SCMH1: variants seen among roughly 807,000 people sequenced by gnomAD.
SCMH1 encodes the protein Scm polycomb group protein homolog 1.
In SCMH1, 37 loss-of-function variants were observed where a neutral mutation model predicts 70.8. The observed-to-expected ratio is 0.52, with a 90% CI of 0.40 to 0.69. The LOEUF is 0.69. Among genes scored for constraint, SCMH1 ranks in the 30% least tolerant of loss-of-function variants. The pLI is 0.00. For missense variants in SCMH1, 607 were observed against 827.3 expected, an observed-to-expected ratio of 0.73 and a Z score of 3.27; for synonymous variants, 292 against 307.4, an observed-to-expected ratio of 0.95 and a Z score of 0.52.
At chr1:41,076,531 T>TA (rs1356028997) in intron 8 of SCMH1, among the ~76,000 whole-genome samples, 1 of 151,908 alleles carries the variant, frequency 6.6e-6, no homozygotes, top group East Asian at 1.9e-4. Flanking sequence ...GAAAGAAAAT[T>TA]AAAAAAATAA....
intron 1 of SCMH1, among the ~76,000 whole-genome samples, chr1:41,220,806 A>C (rs548410748): frequency 6.6e-6 from 1 of 152,362 alleles, no homozygotes; most frequent in East Asian, 1.9e-4. Context: ...CTGGTGTATA[A>C]GAGGAGAAGA....
At chr1:41,037,155 C>G (rs773624816) in intron 13 of SCMH1, among the ~76,000 whole-genome samples, 1 of 152,154 alleles carries the variant, frequency 6.6e-6, no homozygotes, top group African/African-American at 2.4e-5. Context: ...AGGTCTTTGG[C>G]TCTTAGTTTC....
intron 8 of SCMH1, among the ~76,000 whole-genome samples, chr1:41,084,411 T>A (rs1369724510): frequency 6.6e-6 from 1 of 152,038 alleles, no homozygotes; most frequent in Admixed American, 6.5e-5. Flanking sequence ...GAAATGCAAA[T>A]CAAAACCACA....
chr1:41,126,435 T>C (rs1020834666), intron 6 of SCMH1, among the ~76,000 whole-genome samples: 2 of 152,194 alleles, frequency 1.3e-5, no homozygotes, highest in Non-Finnish European at 2.9e-5. Context: ...GTCAAAAGAA[T>C]ATTAAAAGGT....
At chr1:41,182,711 A>AAAT (rs1312578994) in intron 2 of SCMH1, among the ~76,000 whole-genome samples, 2 of 152,178 alleles carry the variant, frequency 1.3e-5, no homozygotes, top group Non-Finnish European at 2.9e-5. Flanking sequence ...ACTCTGTCTT[A>AAAT]AAAACAAAAA....
intron 10 of SCMH1, among the ~76,000 whole-genome samples, chr1:41,056,844 T>C (rs1196844002): frequency 6.6e-6 from 1 of 152,140 alleles, no homozygotes. Context: ...TCAACCGGAT[T>C]CTCACAGTAA....
At chr1:41,111,165 T>C (rs933088409) in intron 8 of SCMH1, among the ~76,000 whole-genome samples, 2 of 152,238 alleles carry the variant, frequency 1.3e-5, no homozygotes, top group African/African-American at 4.8e-5. Context: ...TGTTCTTTTA[T>C]ATTCTGGATA....
At chr1:41,102,761 T>C (rs1351374542) in intron 8 of SCMH1, among the ~76,000 whole-genome samples, 1 of 152,206 alleles carries the variant, frequency 6.6e-6, no homozygotes, top group African/African-American at 2.4e-5. Flanking sequence ...AGTGGAGGGC[T>C]ATATTTTCTT....
chr1:41,241,607 C>G (rs1663560574), intron 1 of SCMH1, among the ~76,000 whole-genome samples: 1 of 152,164 alleles, frequency 6.6e-6, no homozygotes, highest in Non-Finnish European at 1.5e-5. Context: ...AGGGGACCGA[C>G]TGACCCGCGC....
intron 8 of SCMH1, among the ~76,000 whole-genome samples, chr1:41,079,997 C>T (rs1409082574): frequency 6.6e-6 from 1 of 151,964 alleles, no homozygotes; most frequent in African/African-American, 2.4e-5. Context: ...ATAAGATGTC[C>T]ATTTAATTTT....
intron 1 of SCMH1, among the ~76,000 whole-genome samples, chr1:41,187,447 GTGAGACT>G (rs1256876458): frequency 4.8e-4 from 64 of 133,380 alleles, no homozygotes; most frequent in African/African-American, 1.6e-3. Flanking sequence ...AGGCGACAGA[GTGAGACT>G]TGGTCAAAAA....
chr1:41,098,016 C>T (rs6663565), intron 8 of SCMH1, among the ~76,000 whole-genome samples: 97,798 of 152,028 alleles, frequency 0.64, 32,815 homozygotes, highest in African/African-American at 0.84. Context: ...AATTGCCTCT[C>T]GAACTGGTTA....
In SCMH1 at chr1:41,146,552, T is replaced by A. The variant is rs569094526; in HGVS notation, c.178-3440A>T. 2.6e-5 allele frequency among the ~76,000 whole-genome samples: 4 copies of A among 152,244 alleles called. No individual in the cohort carries two copies. In the East Asian group the frequency reaches 7.7e-4, roughly 29 times the overall value. ...ATATACCTTTTATACCATATTTTTT[T>A]TTTTACTGTACCTTTTCCATGTTTA... On this transcript the variant is annotated intron_variant, in intron 5 of 14. Coordinates refer to ENST00000337495, the Ensembl canonical transcript of SCMH1.
chr1:41,213,729 T>G (rs1234298751), intron 1 of SCMH1, among the ~76,000 whole-genome samples: 2 of 152,142 alleles, frequency 1.3e-5, no homozygotes, highest in Non-Finnish European at 2.9e-5. Flanking sequence ...TTTCTTCAGG[T>G]TTTCATTTCT....
intron 13 of SCMH1, among the ~76,000 whole-genome samples, chr1:41,030,394 G>A (rs1299928833): frequency 2.0e-5 from 3 of 152,056 alleles, no homozygotes; most frequent in Non-Finnish European, 4.4e-5. Context: ...ATTTCACTCT[G>A]CAGCCCCTGC....
chr1:41,074,072 C>A (rs1318507295), intron 9 of SCMH1, among the ~76,000 whole-genome samples: 1 of 128,460 alleles, frequency 7.8e-6, no homozygotes, highest in Non-Finnish European at 1.7e-5. Flanking sequence ...TGACAGAAGT[C>A]TTTTTTTTTT....
At chr1:41,213,283 C>T (rs1264761952) in intron 1 of SCMH1, among the ~76,000 whole-genome samples, 1 of 152,084 alleles carries the variant, frequency 6.6e-6, no homozygotes, top group Non-Finnish European at 1.5e-5. Flanking sequence ...GTGATATTTA[C>T]AAGTATTGGT....
intron 8 of SCMH1, among the ~76,000 whole-genome samples, chr1:41,101,387 T>TA (rs1170801966): frequency 2.0e-5 from 3 of 152,190 alleles, no homozygotes; most frequent in African/African-American, 4.8e-5. Flanking sequence ...CCCAGCACTC[T>TA]AAGACTCTAT....
At chr1:41,102,069 A>T (rs1666772202) in intron 8 of SCMH1, among the ~76,000 whole-genome samples, 1 of 152,216 alleles carries the variant, frequency 6.6e-6, no homozygotes, top group Non-Finnish European at 1.5e-5. Flanking sequence ...TAACTGCCCA[A>T]AAGAATTTAT....
Sources: gnomAD v4.1 joint callset for allele counts (sites outside exome capture counted in the v4.1 genomes callset) on GRCh38, gnomAD v4.1.1 for gene constraint, MANE v1.5 for transcripts, NCBI Gene and HGNC (gene_info 2026-07-23, HGNC 2026-07-21) for gene names.